SPAG9: variants seen among roughly 807,000 people sequenced by gnomAD.
SPAG9 encodes the protein sperm associated antigen 9, also known as C-Jun-amino-terminal kinase-interacting protein 4.
SPAG9 carries 35 observed loss-of-function variants against 166.5 expected under a neutral mutation model. The ratio of observed to expected loss-of-function variants is 0.21; its 90% CI spans 0.16 to 0.28. The LOEUF (loss-of-function observed/expected upper bound fraction) is 0.28. Among genes scored for constraint, SPAG9 ranks in the 10% least tolerant of loss-of-function variants. The pLI is 1.00. For synonymous variants in SPAG9, 534 were observed against 565.5 expected (o/e 0.94, Z 0.79); for missense variants, 1,235 against 1,603.3 (o/e 0.77, Z 3.92).
intron 1 of SPAG9, among the ~76,000 whole-genome samples, chr17:51,117,175 T>C (rs2049313626): frequency 6.6e-6 from 1 of 152,188 alleles, no homozygotes; most frequent in Non-Finnish European, 1.5e-5. Flanking sequence ...ATTCAAAATA[T>C]GTCCTATCAA....
chr17:51,059,612 C>T (rs758784019), intron 2 of SPAG9, among the ~76,000 whole-genome samples: 33 of 151,924 alleles, frequency 2.2e-4, no homozygotes, highest in African/African-American at 4.6e-4. Context: ...ACTAGCTGGG[C>T]GTGGTGGTGC....
intron 4 of SPAG9, among the ~76,000 whole-genome samples, chr17:51,044,747 G>C (rs560386553): frequency 1.3e-4 from 20 of 152,274 alleles, no homozygotes; most frequent in African/African-American, 4.3e-4. Context: ...GTAATTGGCA[G>C]AGTTTCGATT....
intron 8 of SPAG9, among the ~76,000 whole-genome samples, chr17:51,017,545 A>AGG: frequency 6.6e-6 from 1 of 151,842 alleles, no homozygotes; most frequent in South Asian, 2.1e-4. Flanking sequence ...AGAGAGAGAG[A>AGG]GAGAGACAGA....
At chr17:51,051,338 A>C (rs923231080) in intron 3 of SPAG9, among the ~76,000 whole-genome samples, 5 of 151,922 alleles carry the variant, frequency 3.3e-5, no homozygotes, top group African/African-American at 1.2e-4. Context: ...TAAACTCCTG[A>C]CCTCAGATAA....
intron 8 of SPAG9, among the ~76,000 whole-genome samples, chr17:51,019,844 C>A (rs950471836): frequency 4.6e-5 from 7 of 152,190 alleles, no homozygotes; most frequent in Non-Finnish European, 5.9e-5. Context: ...AAGAGCGAAA[C>A]TCTGTCTCAA....
At chr17:51,008,128 T>G (rs188885739) in intron 9 of SPAG9, among the ~76,000 whole-genome samples, 73 of 152,290 alleles carry the variant, frequency 4.8e-4, no homozygotes, top group African/African-American at 1.7e-3. Context: ...AATCTTCAAT[T>G]AACAATACAA....
At chr17:50,973,504 AAT>A (rs142895117) in intron 28 of SPAG9, among the ~76,000 whole-genome samples, 86 of 152,312 alleles carry the variant, frequency 5.6e-4, no homozygotes, top group African/African-American at 1.9e-3. Flanking sequence ...ATAACTGAAT[AAT>A]TGCTTAGGGT....
At chr17:51,055,483 T>A (rs777983071) in intron 3 of SPAG9, among the ~76,000 whole-genome samples, 3 of 152,170 alleles carry the variant, frequency 2.0e-5, no homozygotes, top group Non-Finnish European at 2.9e-5. Context: ...AAAACATGAT[T>A]TTAAATTGTT....
At chr17:51,052,891 T>C (rs1439115961) in intron 3 of SPAG9, among the ~76,000 whole-genome samples, 1 of 151,722 alleles carries the variant, frequency 6.6e-6, no homozygotes, top group African/African-American at 2.4e-5. Context: ...AAATCCCATC[T>C]CTATGAAAAA....
chr17:50,986,897 C>A (rs1191416685), intron 22 of SPAG9, among the ~76,000 whole-genome samples: 1 of 152,166 alleles, frequency 6.6e-6, no homozygotes, highest in African/African-American at 2.4e-5. Context: ...AGAAAGGGAA[C>A]ATTCTGTGAC....
At chr17:51,046,646 G>A (rs1360088113) in intron 4 of SPAG9, 4 of 1,536,072 alleles carry the variant, frequency 2.6e-6, no homozygotes, top group Non-Finnish European at 2.6e-6. Flanking sequence ...ACAGCAGCAT[G>A]CATCCAGGAC....
rs371328861 is a variant in SPAG9 at position 50,996,628 on chromosome 17, A to G, written c.1905T>C (p.His635=). 128 of 1,613,986 alleles carry G rather than the reference A, an allele frequency of 7.9e-5. No individual in the cohort carries two copies. Among genetic ancestry groups the G allele is most frequent in the Non-Finnish European group, 1.0e-4 (122 of 1,180,018 alleles). ...GCACTCTACCGTCTTCCTTCTGAAC[A>G]TGTGCTTTTACCTGACGATACTGCT... ...KREQYRQVKA[H]VQKEDGRVQA... The change falls in exon 16 of 30, where the codon CAT becomes CAC. Residue 635 remains histidine, a synonymous_variant. Transcript: ENST00000262013.
At chr17:51,104,329 T>C (rs1008077194) in intron 1 of SPAG9, among the ~76,000 whole-genome samples, 2 of 152,128 alleles carry the variant, frequency 1.3e-5, no homozygotes, top group Non-Finnish European at 2.9e-5. Flanking sequence ...ATGCACATAG[T>C]TGGCACTCAA....
At chr17:51,081,893 TCTC>T (rs1316295536) in intron 1 of SPAG9, among the ~76,000 whole-genome samples, 1 of 152,040 alleles carries the variant, frequency 6.6e-6, no homozygotes, top group Non-Finnish European at 1.5e-5. Context: ...CCTACCCTCT[TCTC>T]CTTCCCATTC....
chr17:51,058,261 T>C (rs1439245037), intron 2 of SPAG9, among the ~76,000 whole-genome samples: 1 of 152,198 alleles, frequency 6.6e-6, no homozygotes, highest in Non-Finnish European at 1.5e-5. Flanking sequence ...CCACCACTAC[T>C]AATAGCAGCC....
intron 1 of SPAG9, among the ~76,000 whole-genome samples, chr17:51,118,768 G>A (rs1366256750): frequency 1.3e-5 from 2 of 152,232 alleles, no homozygotes; most frequent in East Asian, 1.9e-4. Flanking sequence ...GGCGGGGTGC[G>A]GTGGCTCATG....
chr17:51,049,056 T>C (rs991130699), intron 3 of SPAG9, among the ~76,000 whole-genome samples: 12 of 152,100 alleles, frequency 7.9e-5, no homozygotes, highest in African/African-American at 2.9e-4. Context: ...GCTTAATCAA[T>C]CTCAATTTAA....
chr17:51,036,383 C>T (rs2046584386), intron 5 of SPAG9, among the ~76,000 whole-genome samples: 1 of 152,144 alleles, frequency 6.6e-6, no homozygotes, highest in African/African-American at 2.4e-5. Context: ...ACTTGACTTC[C>T]CCACACCAGC....
chr17:51,105,794 C>T (rs920973937), intron 1 of SPAG9, among the ~76,000 whole-genome samples: 5 of 151,496 alleles, frequency 3.3e-5, no homozygotes, highest in Admixed American at 2.6e-4. Context: ...GGCGTGAACC[C>T]GGGAGATGGA....
Sources: gnomAD v4.1 joint callset for allele counts (sites outside exome capture counted in the v4.1 genomes callset) on GRCh38, gnomAD v4.1.1 for gene constraint, MANE v1.5 for transcripts, NCBI Gene and HGNC (gene_info 2026-07-23, HGNC 2026-07-21) for gene names.